EYS: variants seen among roughly 807,000 people sequenced by gnomAD.
EYS encodes the protein protein eyes shut homolog.
EYS carries 250 observed loss-of-function variants against 282.1 expected under a neutral mutation model. The observed-to-expected ratio is 0.89, with a 90% CI of 0.80 to 0.98. EYS has a LOEUF of 0.98. EYS is among the 50% of genes least tolerant of loss of function. EYS has a pLI of 0.00. For missense variants in EYS, 4,016 were observed against 3,709.0 expected, an observed-to-expected ratio of 1.08 and a Z score of -2.15; for synonymous variants, 1,355 against 1,282.9, an observed-to-expected ratio of 1.06 and a Z score of -1.20.
chr6:64,466,899 T>C (rs939324736), intron 26 of EYS, among the ~76,000 whole-genome samples: 2 of 152,022 alleles, frequency 1.3e-5, no homozygotes, highest in Admixed American at 1.3e-4. Flanking sequence ...AATTTAAAAT[T>C]CTAAAAAAAT....
chr6:63,795,952 C>T (rs1770635120), intron 37 of EYS, among the ~76,000 whole-genome samples: 1 of 151,990 alleles, frequency 6.6e-6, no homozygotes, highest in Non-Finnish European at 1.5e-5. Flanking sequence ...AAAAACATGC[C>T]CATGAAGTAA....
At chr6:64,264,220 C>T (rs1296581705) in intron 30 of EYS, among the ~76,000 whole-genome samples, 2 of 152,106 alleles carry the variant, frequency 1.3e-5, no homozygotes, top group East Asian at 3.9e-4. Flanking sequence ...TAGCTAATGC[C>T]ATGTCAAACC....
chr6:64,686,041 T>A (rs78525673), intron 22 of EYS, among the ~76,000 whole-genome samples: 4,335 of 151,650 alleles, frequency 0.029, 129 homozygotes, highest in East Asian at 0.14. Context: ...CACTTCTAAC[T>A]CACCCAAGAG....
chr6:64,382,694 G>A (rs1236470172), intron 29 of EYS, among the ~76,000 whole-genome samples: 5 of 152,198 alleles, frequency 3.3e-5, no homozygotes, highest in Admixed American at 2.0e-4. Context: ...ACACACAAAT[G>A]GAGAGATCAA....
intron 2 of EYS, among the ~76,000 whole-genome samples, chr6:65,590,386 T>C (rs1053130602): frequency 6.6e-6 from 1 of 152,112 alleles, no homozygotes; most frequent in Non-Finnish European, 1.5e-5. Context: ...ATTTATGGGA[T>C]ACAGTGTGAT....
intron 22 of EYS, among the ~76,000 whole-genome samples, chr6:64,636,628 G>A (rs1767990897): frequency 6.6e-6 from 1 of 152,044 alleles, no homozygotes; most frequent in Non-Finnish European, 1.5e-5. Flanking sequence ...CACAGCAAAA[G>A]AAACTACCAT....
rs146165118 is a variant in EYS, at chr6:65,259,993, A to G, written c.2023+35870T>C. On this transcript the variant is annotated intron_variant, in intron 12 of 42. Coordinates refer to ENST00000503581, the MANE Select transcript of EYS (RefSeq NM_001142800.2). ...TATTAGTCCATTTTCATACTGCTATAAAGAACGGCCTGAGACCGGGTAATT... is the reference window on the plus strand; with the variant it reads ...TATTAGTCCATTTTCATACTGCTATGAAGAACGGCCTGAGACCGGGTAATT... 2.6e-3 allele frequency among the ~76,000 whole-genome samples: 399 copies of G among 152,200 alleles called. 2 individuals are homozygous for G. Among genetic ancestry groups the G allele is most frequent in the Non-Finnish European group, 4.4e-3 (299 of 68,000 alleles).
At chr6:64,338,501 G>T (rs1770951512) in intron 29 of EYS, among the ~76,000 whole-genome samples, 1 of 151,808 alleles carries the variant, frequency 6.6e-6, no homozygotes, top group African/African-American at 2.4e-5. Context: ...AAATGGAAAT[G>T]CATCCTAAGC....
At position 64,288,434 on chromosome 6, in the gene EYS, T is replaced by C. The variant is rs188761657; in HGVS notation, c.6191+18536A>G. On this transcript the variant is annotated intron_variant, in intron 30 of 42. Transcript: ENST00000503581. ...AGTTCCTCTTTGCCTCACCGTTTTC[T>C]AGAGACTCAGACCACTCCTTCCAGT... Among the ~76,000 whole-genome samples the C allele has an allele frequency of 8.5e-5, 13 of 152,258 alleles. No individual in the cohort carries two copies. In the East Asian group the frequency reaches 1.5e-3, roughly 18 times the overall value.
At chr6:65,560,276 A>G in intron 2 of EYS, among the ~76,000 whole-genome samples, 1 of 144,576 alleles carries the variant, frequency 6.9e-6, no homozygotes, top group East Asian at 2.0e-4. Context: ...TATAACATAT[A>G]ACATATTATT....
intron 12 of EYS, among the ~76,000 whole-genome samples, chr6:65,183,557 T>A (rs1765444003): frequency 6.6e-6 from 1 of 151,954 alleles, no homozygotes; most frequent in African/African-American, 2.4e-5. Context: ...TCCACTCATA[T>A]CCTTCTTCCT....
rs150842087 is a variant in EYS, at chr6:65,000,581, G to A, written c.2138-2878C>T. 6.8e-3 allele frequency among the ~76,000 whole-genome samples: 1,032 copies of A among 152,132 alleles called. 18 individuals are homozygous for A. Among genetic ancestry groups the A allele is most frequent in the African/African-American group, 0.024 (984 of 41,506 alleles). ...GAGGTCAGGAGTTCAAGACCAGCCT[G>A]ATCAACATGGTGAAACCCCATCGCT... On this transcript the variant is annotated intron_variant, in intron 13 of 42. Coordinates refer to ENST00000503581, the MANE Select transcript of EYS (RefSeq NM_001142800.2).
chr6:64,133,056 C>T (rs1774035978), intron 31 of EYS, among the ~76,000 whole-genome samples: 1 of 151,838 alleles, frequency 6.6e-6, no homozygotes, highest in Non-Finnish European at 1.5e-5. Context: ...ATTCTAAATC[C>T]TATAAATGTT....
At chr6:64,159,258 G>A (rs1327562418) in intron 31 of EYS, among the ~76,000 whole-genome samples, 1 of 152,034 alleles carries the variant, frequency 6.6e-6, no homozygotes, top group Admixed American at 6.5e-5. Context: ...AGAGAAAAAT[G>A]ACAAGAACAA....
intron 1 of EYS, among the ~76,000 whole-genome samples, chr6:65,668,840 A>G (rs935205264): frequency 1.3e-5 from 2 of 151,958 alleles, no homozygotes; most frequent in Non-Finnish European, 2.9e-5. Flanking sequence ...AATAAACCAC[A>G]GTGTAAATCA....
intron 31 of EYS, among the ~76,000 whole-genome samples, chr6:64,207,084 C>G (rs1038089886): frequency 2.0e-5 from 3 of 151,958 alleles, no homozygotes; most frequent in African/African-American, 7.3e-5. Flanking sequence ...ATTTGATTTT[C>G]TGTGTGTGTG....
At chr6:63,992,728 A>T (rs11963254) in intron 34 of EYS, among the ~76,000 whole-genome samples, 1,944 of 151,904 alleles carry the variant, frequency 0.013, 36 homozygotes, top group African/African-American at 0.044. Flanking sequence ...TTACAAGAAA[A>T]CTTGGCCTAC....
At chr6:64,570,764 G>A (rs1765699743) in intron 26 of EYS, among the ~76,000 whole-genome samples, 1 of 152,126 alleles carries the variant, frequency 6.6e-6, no homozygotes, top group African/African-American at 2.4e-5. Context: ...ACCCAATACA[G>A]GAGCACCAGA....
chr6:64,658,163 G>A (rs1180513273), intron 22 of EYS, among the ~76,000 whole-genome samples: 2 of 152,114 alleles, frequency 1.3e-5, no homozygotes, highest in East Asian at 3.9e-4. Flanking sequence ...TGAGGCTTGT[G>A]CATTCGTCAC....
Sources: gnomAD v4.1 joint callset for allele counts (sites outside exome capture counted in the v4.1 genomes callset) on GRCh38, gnomAD v4.1.1 for gene constraint, MANE v1.5 for transcripts, NCBI Gene and HGNC (gene_info 2026-07-23, HGNC 2026-07-21) for gene names.